The following NAP1L4 variants were observed in gnomAD, a reference collection of about 807,000 sequenced individuals.
The protein encoded by NAP1L4 is nucleosome assembly protein 1 like 4, also known as nucleosome assembly protein 1-like 4.
In NAP1L4, 15 loss-of-function variants were observed where a neutral mutation model predicts 58.2. The observed-to-expected ratio is 0.26, with a 90% CI of 0.17 to 0.40. The LOEUF is 0.40. Ranked by LOEUF, NAP1L4 falls within the 10% of genes least tolerant of loss-of-function variation. NAP1L4 has a pLI of 1.00. For missense variants in NAP1L4, 384 were observed against 451.1 expected (o/e 0.85, Z 1.35); for synonymous variants, 171 against 155.6 (o/e 1.10, Z -0.74).
rs1846054911 is a variant in NAP1L4 at position 2,948,498 on chromosome 11, G to A, written c.*32+729C>T. On this transcript the variant is annotated intron_variant, in intron 15 of 15. Transcript: ENST00000380542. The surrounding 1 kb of genome is among the most constrained non-coding windows in gnomAD (Gnocchi z 5.1). ...TGAACAGGTCTCGTCACGGGCAAGA[G>A]CCTCTGTCTACTTACGGCCTCCTGT... 6.6e-6 allele frequency among the ~76,000 whole-genome samples: 1 copy of A among 152,204 alleles called. No homozygotes were observed. Among genetic ancestry groups the A allele is most frequent in the African/African-American group, 2.4e-5 (1 of 41,440 alleles).
At chr11:2,989,678 A>C (rs772425052) in intron 1 of NAP1L4, among the ~76,000 whole-genome samples, 2 of 152,242 alleles carry the variant, frequency 1.3e-5, no homozygotes, top group Non-Finnish European at 2.9e-5. Flanking sequence ...CAGTCCCCAC[A>C]CTTAGCTGCG....
chr11:2,959,958 G>A lies in NAP1L4; in HGVS notation c.607-49C>T, dbSNP rs759819689. On this transcript the variant is annotated intron_variant, in intron 8 of 15. Transcript: ENST00000380542. This position sits in a 1 kb window ranked among gnomAD's most constrained non-coding sequence, Gnocchi z 4.9. Reference sequence around the variant, plus strand: ...GCACCAGTTAAAATAGAAAAATAACGAGGACAGATTGCTTGGAGTACACAA... The same window carrying A: ...GCACCAGTTAAAATAGAAAAATAACAAGGACAGATTGCTTGGAGTACACAA... 2.5e-5 allele frequency: 39 copies of A among 1,590,304 alleles called. No homozygotes were observed. The East Asian group carries it at 2.7e-4, about 11-fold the overall frequency.
chr11:2,956,377 T>C (rs1846539954), intron 10 of NAP1L4, among the ~76,000 whole-genome samples: 1 of 152,028 alleles, frequency 6.6e-6, no homozygotes, highest in Admixed American at 6.5e-5. Context: ...AATGAAGCTG[T>C]GCAACGTTCA....
At chr11:2,962,929 G>A (rs543155703) in intron 8 of NAP1L4, among the ~76,000 whole-genome samples, 204 of 151,708 alleles carry the variant, frequency 1.3e-3, no homozygotes, top group Middle Eastern at 6.8e-3. Flanking sequence ...GTGAAACCAC[G>A]TCTCTACTAA....
At chr11:2,958,153 C>T in intron 10 of NAP1L4, 2 of 666,708 alleles carry the variant, frequency 3.0e-6, no homozygotes, top group South Asian at 1.5e-5. Context: ...TACAGCCAAG[C>T]AGAGTAAAGC....
chr11:2,979,100 G>A (rs11826983), intron 2 of NAP1L4, 107 bp downstream of exon 2: 94 of 1,169,920 alleles, frequency 8.0e-5, no homozygotes, highest in Non-Finnish European at 1.1e-4. Flanking sequence ...TCAGCTAGAC[G>A]CTGAAATGCA....
At chr11:2,960,041 C>T (rs1166512462) in intron 8 of NAP1L4, 132 bp from the exon 9 acceptor site, 15 of 901,170 alleles carry the variant, frequency 1.7e-5, no homozygotes, top group Non-Finnish European at 2.5e-5. Context: ...ACAAGAAAAA[C>T]TTCTCCACCG....
chr11:2,963,015 G>A (rs1322906761), intron 8 of NAP1L4, among the ~76,000 whole-genome samples: 4 of 148,304 alleles, frequency 2.7e-5, no homozygotes, highest in Non-Finnish European at 3.0e-5. Context: ...CAGGAGAATC[G>A]CTTGAATCCA....
chr11:2,966,359 T>C (rs992162955), intron 7 of NAP1L4, among the ~76,000 whole-genome samples: 32 of 152,298 alleles, frequency 2.1e-4, no homozygotes, highest in Non-Finnish European at 4.3e-4. Context: ...CACCCTACAG[T>C]GCTACAACAC....
At chr11:2,957,441 A>G (rs1846609173) in intron 10 of NAP1L4, among the ~76,000 whole-genome samples, 1 of 152,220 alleles carries the variant, frequency 6.6e-6, no homozygotes, top group Admixed American at 6.5e-5. Context: ...TCAGAGACAA[A>G]ATCAAAAAAT....
intron 1 of NAP1L4, among the ~76,000 whole-genome samples, chr11:2,981,364 C>G (rs563275167): frequency 7.2e-4 from 103 of 142,160 alleles, no homozygotes; most frequent in African/African-American, 2.5e-3. Context: ...GCTGCAGTGA[C>G]CTATGACTGC....
chr11:2,980,092 A>G (rs972967356), intron 1 of NAP1L4, among the ~76,000 whole-genome samples: 1 of 152,202 alleles, frequency 6.6e-6, no homozygotes, highest in Admixed American at 6.5e-5. Context: ...GATTATTTCT[A>G]TATTGGTAGA....
At chr11:2,980,341 C>G (rs1244565089) in intron 1 of NAP1L4, among the ~76,000 whole-genome samples, 1 of 152,110 alleles carries the variant, frequency 6.6e-6, no homozygotes, top group Non-Finnish European at 1.5e-5. Flanking sequence ...GCGCAGGCCA[C>G]CATGCCCAGC....
intron 8 of NAP1L4, among the ~76,000 whole-genome samples, chr11:2,960,354 T>C (rs960526939): frequency 6.6e-6 from 1 of 152,064 alleles, no homozygotes; most frequent in Non-Finnish European, 1.5e-5. Context: ...TGCTGTGCAG[T>C]GAAAGCAGTG....
At chr11:2,960,026 C>A in intron 8 of NAP1L4, 117 bp from the exon 9 acceptor site, 35 of 1,040,672 alleles carry the variant, frequency 3.4e-5, no homozygotes, top group East Asian at 5.4e-5. Flanking sequence ...CAGATAGGGC[C>A]ATGAACAAGA....
At chr11:2,976,868 A>G (rs533392894) in intron 3 of NAP1L4, among the ~76,000 whole-genome samples, 6 of 152,232 alleles carry the variant, frequency 3.9e-5, no homozygotes, top group Non-Finnish European at 8.8e-5. Flanking sequence ...CTCATGACAC[A>G]GACTCTTAAC....
rs556213821 is a variant in NAP1L4, at chr11:2,958,725, G to C, written c.747-181C>G. The C allele has an allele frequency of 9.9e-6, 6 of 608,114 alleles. No homozygotes were observed. The African/African-American group carries it at 1.1e-4, about 11-fold the overall frequency. 37.7% of individuals were successfully genotyped at this position (608,114 alleles called of 1,614,324 possible). On this transcript the variant is annotated intron_variant, in intron 9 of 15. Transcript: ENST00000380542. ...AGGTTGGCAAAAAGAGAAACAGCCT[G>C]GTCCTCTTTCAACTTGGGTGTGACC...
chr11:2,972,351 A>T (rs1368551578), intron 4 of NAP1L4, 108 bp from the exon 5 acceptor site: 2 of 978,724 alleles, frequency 2.0e-6, no homozygotes, highest in Non-Finnish European at 1.4e-6. Context: ...CAACATCCTT[A>T]CTATGAACAA....
chr11:2,984,781 A>G (rs1848529548), intron 1 of NAP1L4, among the ~76,000 whole-genome samples: 1 of 141,788 alleles, frequency 7.1e-6, no homozygotes, highest in African/African-American at 2.4e-5. Context: ...AATGGAGACA[A>G]ATTTCCTAGT....
Sources: allele counts gnomAD v4.1 joint callset (sites outside exome capture counted in the v4.1 genomes callset), GRCh38; gene constraint gnomAD v4.1.1; non-coding constraint Gnocchi (gnomAD v3.1); transcripts MANE v1.5; gene names NCBI Gene and HGNC (gene_info 2026-07-23, HGNC 2026-07-21).